SLC20A2: variants seen among roughly 807,000 people sequenced by gnomAD.
SLC20A2 encodes sodium-dependent phosphate transporter 2.
A neutral mutation model predicts 61.0 loss-of-function variants in SLC20A2; 30 were observed. The ratio of observed to expected loss-of-function variants is 0.49; its 90% confidence interval spans 0.37 to 0.67. The LOEUF (loss-of-function observed/expected upper bound fraction) is 0.67, where lower values mean the gene tolerates loss of function less well. Among genes scored for constraint, SLC20A2 ranks in the 30% least tolerant of loss-of-function variants. The pLI, the probability that SLC20A2 is intolerant of heterozygous loss-of-function variation, is 0.00. For missense variants in SLC20A2, 626 were observed against 866.4 expected, an observed-to-expected ratio of 0.72 and a Z score of 3.48; for synonymous variants, 351 against 353.3, an observed-to-expected ratio of 0.99 and a Z score of 0.07.
At chr8:42,516,697 C>G (rs899046923) in intron 1 of SLC20A2, among the ~76,000 whole-genome samples, 3 of 152,246 alleles carry the variant, frequency 2.0e-5, no homozygotes, top group Non-Finnish European at 4.4e-5. Context: ...GATCCAACAA[C>G]CAAACTCCTT....
chr8:42,464,667 A>G (rs941971659), intron 3 of SLC20A2, among the ~76,000 whole-genome samples: 4 of 152,112 alleles, frequency 2.6e-5, no homozygotes, highest in Admixed American at 2.6e-4. Context: ...ATAATAGTTC[A>G]CTATCTCTAT....
chr8:42,484,359 C>T (rs1014590704), intron 1 of SLC20A2, among the ~76,000 whole-genome samples: 1 of 152,222 alleles, frequency 6.6e-6, no homozygotes, highest in African/African-American at 2.4e-5. Flanking sequence ...AGAAATTTAG[C>T]AGTTCCTCTC....
At chr8:42,433,216 TA>T in intron 8 of SLC20A2, among the ~76,000 whole-genome samples, 1 of 152,364 alleles carries the variant, frequency 6.6e-6, no homozygotes, top group South Asian at 2.1e-4. Flanking sequence ...CTGCACTCTT[TA>T]AACAAATTCC....
At chr8:42,515,734 G>A (rs1247742389) in intron 1 of SLC20A2, among the ~76,000 whole-genome samples, 6 of 152,144 alleles carry the variant, frequency 3.9e-5, no homozygotes, top group African/African-American at 1.4e-4. Flanking sequence ...AAGACTGCTA[G>A]TGTGTCTTAG....
rs967839443 is a variant in SLC20A2, at chr8:42,472,821, C to T, written c.-264-167G>A. ...AGATTATAATTAGGATAACCACCCC[C>T]AACCAAAAACACAAAAAAACCTGCT... On this transcript the variant is annotated intron_variant, in intron 1 of 10. Coordinates refer to ENST00000520262, the MANE Select transcript of SLC20A2 (RefSeq NM_001257180.2). The surrounding 1 kb of genome is among the most constrained non-coding windows in gnomAD (Gnocchi z 4.1). Among the ~76,000 whole-genome samples the T allele has an allele frequency of 5.9e-5, 9 of 152,160 alleles. No individual in the cohort carries two copies. Among genetic ancestry groups the T allele is most frequent in the Non-Finnish European group, 8.8e-5 (6 of 68,026 alleles).
At chr8:42,476,816 T>C (rs1808146012) in intron 1 of SLC20A2, among the ~76,000 whole-genome samples, 1 of 152,132 alleles carries the variant, frequency 6.6e-6, no homozygotes, top group South Asian at 2.1e-4. Flanking sequence ...AAAAGGAACA[T>C]TCATTTCTCC....
At chr8:42,461,266 CGTGAAA>C in intron 4 of SLC20A2, among the ~76,000 whole-genome samples, 1 of 152,110 alleles carries the variant, frequency 6.6e-6, no homozygotes, top group Non-Finnish European at 1.5e-5. Context: ...TGATGTATCA[CGTGAAA>C]AGAACCCAGG....
intron 1 of SLC20A2, among the ~76,000 whole-genome samples, chr8:42,496,256 A>G (rs1335151658): frequency 6.6e-6 from 1 of 152,254 alleles, no homozygotes; most frequent in African/African-American, 2.4e-5. Context: ...CCCTTTCTTC[A>G]TTATGAGCAC....
intron 1 of SLC20A2, among the ~76,000 whole-genome samples, chr8:42,475,601 G>A (rs1234158382): frequency 1.3e-5 from 2 of 151,808 alleles, no homozygotes; most frequent in African/African-American, 2.4e-5. Flanking sequence ...TGTAGAGATG[G>A]GGTTTCACCA....
Position 42,419,743 on chromosome 8 carries a change from C to G in SLC20A2, c.1795-1776G>C, listed in dbSNP as rs1050047347. The G allele has an allele frequency of 9.2e-5, 81 of 882,564 alleles. No homozygotes were observed. In the African/African-American group the frequency reaches 1.4e-3, roughly 15 times the overall value. The allele number at this position is 882,564 out of a possible 1,614,324, so 54.7% of individuals were successfully genotyped here. A position where few individuals can be genotyped will look rare whatever the true frequency, so the allele number is the denominator to read the frequency against. On this transcript the variant is annotated intron_variant, in intron 10 of 10. Coordinates refer to ENST00000520262, the MANE Select transcript of SLC20A2 (RefSeq NM_001257180.2). ...GTCATCCATAATCTGTGAATATCAG[C>G]ACATGATATCATGTAAGTTGCTCTT...
Position 42,472,120 on chromosome 8 carries a change from C to G in SLC20A2, c.271G>C (p.Glu91Gln). 1 of 1,613,150 alleles carries G rather than the reference C, an allele frequency of 6.2e-7. No homozygotes were observed. Among genetic ancestry groups the G allele is most frequent in the Non-Finnish European group, 8.5e-7 (1 of 1,180,004 alleles). The change falls in exon 2 of 11, where the codon GAA (glutamate) becomes CAA (glutamine). Residue 91 changes from glutamate to glutamine, a missense_variant. Coordinates refer to ENST00000520262, the MANE Select transcript of SLC20A2 (RefSeq NM_001257180.2). The surrounding 1 kb of genome is among the most constrained non-coding windows in gnomAD (Gnocchi z 4.1). ...TACTCACCAACCATGGCACTAACTTCCCCAGCCATGAGAGTCTCCACCGTC... is the reference window on the plus strand; with the variant it reads ...TACTCACCAACCATGGCACTAACTTGCCCAGCCATGAGAGTCTCCACCGTC... Reference protein sequence around the residue: ...NETVETLMAGEVSAMVGSAVW... With the variant: ...NETVETLMAGQVSAMVGSAVW...
intron 1 of SLC20A2, chr8:42,538,070 CTT>C (rs1563559660): frequency 1.3e-5 from 2 of 152,068 alleles, no homozygotes; most frequent in Non-Finnish European, 1.5e-5. Context: ...AGTATTAACT[CTT>C]ATTTAGCTCC....
intron 1 of SLC20A2, among the ~76,000 whole-genome samples, chr8:42,475,333 C>T (rs1285261155): frequency 6.6e-6 from 1 of 152,080 alleles, no homozygotes; most frequent in East Asian, 1.9e-4. Context: ...CTCCTATCCT[C>T]AAGTGATTCT....
chr8:42,478,093 C>G (rs1165371241), intron 1 of SLC20A2, among the ~76,000 whole-genome samples: 1 of 151,978 alleles, frequency 6.6e-6, no homozygotes, highest in Non-Finnish European at 1.5e-5. Flanking sequence ...ACTATGTTGG[C>G]CAGGATGGTC....
chr8:42,525,500 C>T (rs6994886), intron 1 of SLC20A2, among the ~76,000 whole-genome samples: 10,041 of 147,480 alleles, frequency 0.068, 555 homozygotes, highest in African/African-American at 0.14. Context: ...GAGAATTGCT[C>T]ACACCTGGGA....
At chr8:42,475,513 G>A (rs1808009864) in intron 1 of SLC20A2, among the ~76,000 whole-genome samples, 2 of 151,960 alleles carry the variant, frequency 1.3e-5, no homozygotes, top group Non-Finnish European at 2.9e-5. Flanking sequence ...GGGTTCAAGA[G>A]ATTCTCCTGC....
intron 1 of SLC20A2, among the ~76,000 whole-genome samples, chr8:42,522,904 C>CGGGG (rs1327446804): frequency 4.6e-5 from 4 of 86,618 alleles, no homozygotes; most frequent in African/African-American, 1.5e-4. Flanking sequence ...GTAGAGATGG[C>CGGGG]GGGGTGGGGG....
At chr8:42,476,255 C>T (rs1189522721) in intron 1 of SLC20A2, among the ~76,000 whole-genome samples, 1 of 151,916 alleles carries the variant, frequency 6.6e-6, no homozygotes, top group Non-Finnish European at 1.5e-5. Context: ...CCCGCCACCA[C>T]GCCCGGCTAT....
chr8:42,474,838 C>T (rs536452901), intron 1 of SLC20A2, among the ~76,000 whole-genome samples: 8 of 148,360 alleles, frequency 5.4e-5, no homozygotes, highest in Non-Finnish European at 8.9e-5. Context: ...CACACAGTGT[C>T]GTGAGAGCAC....
Sources: gnomAD v4.1 joint callset for allele counts (sites outside exome capture counted in the v4.1 genomes callset) on GRCh38, gnomAD v4.1.1 for gene constraint, Gnocchi (gnomAD v3.1) non-coding constraint, MANE v1.5 for transcripts, NCBI Gene and HGNC (gene_info 2026-07-23, HGNC 2026-07-21) for gene names.